The following CTTNBP2 variants were observed in gnomAD, a reference collection of about 807,000 sequenced individuals.
CTTNBP2 encodes cortactin binding protein 2, also known as cortactin-binding protein 2.
In CTTNBP2, 108 loss-of-function variants were observed where a neutral mutation model predicts 156.9. That is an observed-to-expected ratio of 0.69 (90% confidence interval 0.59 to 0.81). CTTNBP2 has a LOEUF of 0.81. Among genes scored for constraint, CTTNBP2 ranks in the 30% least tolerant of loss-of-function variants. The pLI is 0.00. For missense variants in CTTNBP2, 1,924 were observed against 2,035.4 expected, an observed-to-expected ratio of 0.95 and a Z score of 1.05; for synonymous variants, 767 against 751.8, an observed-to-expected ratio of 1.02 and a Z score of -0.33.
intron 2 of CTTNBP2, among the ~76,000 whole-genome samples, chr7:117,847,084 G>A (rs1340776210): frequency 1.3e-5 from 2 of 151,838 alleles, no homozygotes; most frequent in Non-Finnish European, 2.9e-5. Context: ...ACAGGAAGAG[G>A]AGCTAAATAA....
At chr7:117,725,582 GA>G (rs777691885) in intron 17 of CTTNBP2, among the ~76,000 whole-genome samples, 31 of 152,244 alleles carry the variant, frequency 2.0e-4, no homozygotes, top group Non-Finnish European at 3.8e-4. Flanking sequence ...AAAAAATCTG[GA>G]AAAAAGATTT....
intron 2 of CTTNBP2, among the ~76,000 whole-genome samples, chr7:117,858,146 A>G (rs1467207681): frequency 1.3e-5 from 2 of 152,236 alleles, no homozygotes; most frequent in East Asian, 1.9e-4. Flanking sequence ...CAAGGCGGGC[A>G]GATCACGAGG....
At chr7:117,713,656 G>C (rs1284211103) in intron 22 of CTTNBP2, 1 of 152,126 alleles carries the variant, frequency 6.6e-6, no homozygotes, top group African/African-American at 2.4e-5. Flanking sequence ...TTAAAGTTTG[G>C]CTCCAATCCC....
chr7:117,720,957 A>AAGT, intron 20 of CTTNBP2, 110 bp downstream of exon 20: 1 of 781,386 alleles, frequency 1.3e-6, no homozygotes, highest in Non-Finnish European at 2.2e-6. Flanking sequence ...TTTTAAAACC[A>AAGT]TATTAACATA....
chr7:117,848,806 A>T (rs2117179100), intron 2 of CTTNBP2, among the ~76,000 whole-genome samples: 1 of 152,304 alleles, frequency 6.6e-6, no homozygotes, highest in South Asian at 2.1e-4. Flanking sequence ...ATTTTTATAG[A>T]CTTACATTTT....
chr7:117,849,508 C>A (rs1802806449), intron 2 of CTTNBP2, among the ~76,000 whole-genome samples: 1 of 152,114 alleles, frequency 6.6e-6, no homozygotes, highest in African/African-American at 2.4e-5. Context: ...CTCTGCACTG[C>A]CTACCAGGCT....
intron 17 of CTTNBP2, among the ~76,000 whole-genome samples, chr7:117,727,338 G>A (rs1795146610): frequency 6.6e-6 from 1 of 152,052 alleles, no homozygotes; most frequent in African/African-American, 2.4e-5. Context: ...TGGGACTACA[G>A]GTACATGCCA....
At chr7:117,839,276 A>C (rs1036726132) in intron 2 of CTTNBP2, among the ~76,000 whole-genome samples, 2 of 152,230 alleles carry the variant, frequency 1.3e-5, no homozygotes, top group African/African-American at 4.8e-5. Flanking sequence ...GAATCCTGAC[A>C]ATCATGTTAA....
intron 3 of CTTNBP2, among the ~76,000 whole-genome samples, chr7:117,806,732 C>T (rs1584460667): frequency 1.4e-5 from 2 of 141,626 alleles, no homozygotes; most frequent in Admixed American, 7.2e-5. Flanking sequence ...TCATTTCTTT[C>T]TTCTTTTTCT....
chr7:117,767,732 A>G (rs763416104), intron 8 of CTTNBP2, among the ~76,000 whole-genome samples: 6 of 152,208 alleles, frequency 3.9e-5, no homozygotes, highest in Non-Finnish European at 7.4e-5. Context: ...TTAGAAAAAC[A>G]TTCCCTATAG....
chr7:117,865,679 A>G (rs1804134146), intron 1 of CTTNBP2, among the ~76,000 whole-genome samples: 1 of 147,372 alleles, frequency 6.8e-6, no homozygotes, highest in East Asian at 1.9e-4. Context: ...TCCAAAAAAA[A>G]AAAAAAAAAA....
At chr7:117,779,593 CAAGT>C (rs936789549) in intron 7 of CTTNBP2, among the ~76,000 whole-genome samples, 20 of 151,716 alleles carry the variant, frequency 1.3e-4, no homozygotes, top group African/African-American at 4.8e-4. Context: ...ACAGATTTCT[CAAGT>C]AATATATATA....
chr7:117,836,195 G>A (rs1801923125), intron 2 of CTTNBP2, among the ~76,000 whole-genome samples: 1 of 152,126 alleles, frequency 6.6e-6, no homozygotes, highest in African/African-American at 2.4e-5. Flanking sequence ...GCCCATTCTT[G>A]GATTAGTAAA....
At chr7:117,814,283 A>G (rs1226861222) in intron 2 of CTTNBP2, among the ~76,000 whole-genome samples, 1 of 149,776 alleles carries the variant, frequency 6.7e-6, no homozygotes, top group Non-Finnish European at 1.5e-5. Flanking sequence ...ATAGTTTTTT[A>G]CATGTGTATT....
intron 1 of CTTNBP2, among the ~76,000 whole-genome samples, chr7:117,870,787 G>C (rs117892604): frequency 6.6e-6 from 1 of 152,146 alleles, no homozygotes; most frequent in Non-Finnish European, 1.5e-5. Flanking sequence ...CAGGTTTCCC[G>C]GCACGGTTCA....
At position 117,792,452 on chromosome 7, in the gene CTTNBP2, T is replaced by C. The variant is rs760394862; in HGVS notation, c.744A>G (p.Glu248=). 5 of 1,614,224 alleles carry C rather than the reference T, an allele frequency of 3.1e-6. No individual in the cohort carries two copies. Among genetic ancestry groups the C allele is most frequent in the Admixed American group, 1.7e-5 (1 of 60,034 alleles). Residue 248 remains glutamate (E), a synonymous_variant, in exon 4 of 23, where the codon GAA becomes GAG. Coordinates refer to ENST00000160373, the MANE Select transcript of CTTNBP2 (RefSeq NM_033427.3). This position sits in a 1 kb window ranked among gnomAD's most constrained non-coding sequence, Gnocchi z 4.2. ...REQLRAKLNR[E]EAHTTDLKEE... ...CTTTGAGGTCAGTGGTGTGTGCTTCTTCCCGGTTCAGCTTGGCACGAAGCT... is the reference window on the plus strand; with the variant it reads ...CTTTGAGGTCAGTGGTGTGTGCTTCCTCCCGGTTCAGCTTGGCACGAAGCT...
At position 117,810,442 on chromosome 7, in the gene CTTNBP2, C is replaced by T. The variant is rs371956289; in HGVS notation, c.414+323G>A. Among the ~76,000 whole-genome samples the T allele has an allele frequency of 9.9e-5, 15 of 152,178 alleles. No homozygotes were observed. In the East Asian group the frequency reaches 2.9e-3, roughly 29 times the overall value. ...TGGTTGCATCACTGGATTAACCTAC[C>T]TAGCAGCTAAGCATGTTTTCTAGAA... On this transcript the variant is annotated intron_variant, in intron 3 of 22. Transcript: ENST00000160373.
At chr7:117,734,502 T>C (rs964698366) in intron 16 of CTTNBP2, among the ~76,000 whole-genome samples, 1 of 152,222 alleles carries the variant, frequency 6.6e-6, no homozygotes, top group African/African-American at 2.4e-5. Context: ...TCAAAAGGTA[T>C]AGAATTCTAC....
At chr7:117,821,760 TTG>T (rs1419495397) in intron 2 of CTTNBP2, among the ~76,000 whole-genome samples, 1 of 151,908 alleles carries the variant, frequency 6.6e-6, no homozygotes, top group African/African-American at 2.4e-5. Context: ...AGCTAATTTT[TTG>T]TGTGTTTTTA....
Sources: allele counts gnomAD v4.1 joint callset (sites outside exome capture counted in the v4.1 genomes callset), GRCh38; gene constraint gnomAD v4.1.1; non-coding constraint Gnocchi (gnomAD v3.1); transcripts MANE v1.5; gene names NCBI Gene and HGNC (gene_info 2026-07-23, HGNC 2026-07-21).